The following R3HCC1L variants were observed in gnomAD, a reference collection of about 807,000 sequenced individuals.
The protein encoded by R3HCC1L is coiled-coil domain-containing protein R3HCC1L.
R3HCC1L carries 51 observed loss-of-function variants against 59.9 expected under a neutral mutation model. The ratio of observed to expected loss-of-function variants is 0.85; its 90% confidence interval spans 0.68 to 1.07. R3HCC1L has a LOEUF of 1.07. Ranked by LOEUF, R3HCC1L falls within the 50% of genes least tolerant of loss-of-function variation. R3HCC1L has a pLI of 0.00. For missense variants in R3HCC1L, 965 were observed against 933.0 expected (o/e 1.03, Z -0.45); for synonymous variants, 322 against 315.2 (o/e 1.02, Z -0.23).
intron 9 of R3HCC1L, among the ~76,000 whole-genome samples, chr10:98,237,293 A>G (rs7090201): frequency 0.19 from 28,447 of 152,202 alleles, 2,790 homozygotes; most frequent in Middle Eastern, 0.21. Context: ...GAACTAGATT[A>G]AAGATGAATG....
chr10:98,198,824 T>G (rs541195388), intron 4 of R3HCC1L, among the ~76,000 whole-genome samples: 43 of 152,268 alleles, frequency 2.8e-4, no homozygotes, highest in African/African-American at 8.7e-4. Context: ...ATTTGTCCTG[T>G]GGCATTAGGG....
At chr10:98,181,424 G>A (rs1453628943) in intron 4 of R3HCC1L, among the ~76,000 whole-genome samples, 1 of 152,136 alleles carries the variant, frequency 6.6e-6, no homozygotes. Flanking sequence ...TGGGTAATCC[G>A]ACCTTTCTCT....
intron 5 of R3HCC1L, among the ~76,000 whole-genome samples, 178 bp from the exon 6 acceptor site, chr10:98,231,333 TG>T (rs987692543): frequency 1.3e-5 from 2 of 152,326 alleles, no homozygotes; most frequent in Non-Finnish European, 2.9e-5. Flanking sequence ...TAGTATAAAC[TG>T]GGCGATAAGC....
intron 1 of R3HCC1L, among the ~76,000 whole-genome samples, chr10:98,152,322 G>A (rs1352523968): frequency 6.6e-6 from 1 of 151,950 alleles, no homozygotes; most frequent in Non-Finnish European, 1.5e-5. Context: ...CCTCCCAGCC[G>A]CCTGCCTTGG....
At chr10:98,174,699 C>T (rs1848828760) in intron 4 of R3HCC1L, 1 of 984,100 alleles carries the variant, frequency 1.0e-6, no homozygotes, top group Non-Finnish European at 1.2e-6. Context: ...GACTTTGTGT[C>T]TGAGAATGAT....
chr10:98,138,306 C>T (rs1366603024), intron 1 of R3HCC1L, among the ~76,000 whole-genome samples: 1 of 152,124 alleles, frequency 6.6e-6, no homozygotes, highest in African/African-American at 2.4e-5. Flanking sequence ...TCACACCAGA[C>T]TTGTATACAA....
intron 4 of R3HCC1L, among the ~76,000 whole-genome samples, chr10:98,169,903 TGGAG>T (rs1564641451): frequency 1.4e-5 from 2 of 145,520 alleles, no homozygotes; most frequent in African/African-American, 2.5e-5. Flanking sequence ...TTTTTTTTTT[TGGAG>T]TGAGTGCTTT....
At chr10:98,237,652 A>G (rs1857102935) in intron 9 of R3HCC1L, among the ~76,000 whole-genome samples, 1 of 152,284 alleles carries the variant, frequency 6.6e-6, no homozygotes, top group African/African-American at 2.4e-5. Context: ...TTATTTGTGA[A>G]TAGAGACCCA....
At position 98,181,060 on chromosome 10, in the gene R3HCC1L, A is replaced by G. The variant is rs1564656270; in HGVS notation, c.-15+17663A>G. 3.9e-5 allele frequency among the ~76,000 whole-genome samples: 6 copies of G among 152,076 alleles called. No homozygotes were observed. In the South Asian group the frequency reaches 1.2e-3, roughly 32 times the overall value. The stretch of plus-strand genomic sequence containing the variant: ...TTTAGCCCATTTACATTTAAGGTTA[A>G]TATTGTTATGTGTGAATTTGATCCT... On this transcript the variant is annotated intron_variant, in intron 4 of 9. Coordinates refer to ENST00000298999, the MANE Select transcript of R3HCC1L (RefSeq NM_001351015.2).
rs188892716 is a variant in R3HCC1L, at chr10:98,206,014, T to A, written c.-14-2087T>A. On this transcript the variant is annotated intron_variant, in intron 4 of 9. Transcript: ENST00000298999. Reference sequence around the variant, plus strand: ...TATTTCTAACAATTGGTTCTGGTACTGACTTCTGGAGAAACATAGAAACAT... The same window carrying A: ...TATTTCTAACAATTGGTTCTGGTACAGACTTCTGGAGAAACATAGAAACAT... Among the ~76,000 whole-genome samples the A allele has an allele frequency of 1.1e-3, 169 of 152,320 alleles. 1 individual carries two copies. The highest frequency in any genetic ancestry group is 4.0e-3 in the African/African-American group (166 of 41,592).
intron 4 of R3HCC1L, 136 bp from the exon 5 acceptor site, chr10:98,207,965 C>T (rs1852902525): frequency 1.3e-6 from 1 of 793,018 alleles, no homozygotes; most frequent in Non-Finnish European, 1.9e-6. Flanking sequence ...GCAGAGGTTA[C>T]AGTGAGCTGA....
chr10:98,209,804 A>T lies in R3HCC1L; in HGVS notation c.1690A>T (p.Thr564Ser). ...ATCCATCGAACCAAAAGCAACTGAA[A>T]CTTCTCACACAGAGGGAATTACTGC... ...ETSIEPKATE[T>S]SHTEGITAIE... The change falls in exon 5 of 10, where the codon ACT (threonine) becomes TCT (serine). Residue 564 changes from threonine to serine, a missense_variant. Physicochemically the swap from Thr to Ser is moderately conservative, Grantham distance 58. Transcript: ENST00000298999. The T allele has an allele frequency of 6.2e-7, 1 of 1,613,874 alleles. No individual in the cohort carries two copies. The highest frequency in any genetic ancestry group is 8.5e-7 in the Non-Finnish European group (1 of 1,179,858).
chr10:98,229,267 G>A (rs529991884), intron 5 of R3HCC1L, among the ~76,000 whole-genome samples: 2 of 152,172 alleles, frequency 1.3e-5, no homozygotes, highest in African/African-American at 2.4e-5. Flanking sequence ...TCATCAAGCA[G>A]TGGTTTGTAG....
Position 98,209,544 on chromosome 10 carries a change from A to G in R3HCC1L, c.1430A>G (p.Lys477Arg), listed in dbSNP as rs147690385. ...TGTGCTTCCTCCTTACCTATAAAAA[A>G]GATTGCTGGTAGTAATTATAACACT... The part of the protein sequence containing the change: ...SDCASSLPIK[K>R]IAGSNYNTFL... Residue 477 changes from lysine to arginine, a missense_variant, in exon 5 of 10, where the codon AAG becomes AGG. Physicochemically the swap from Lys to Arg is conservative, Grantham distance 26. Transcript: ENST00000298999. The G allele has an allele frequency of 1.0e-4, 166 of 1,613,862 alleles. No individual in the cohort carries two copies. The highest frequency in any genetic ancestry group is 1.3e-4 in the Non-Finnish European group (157 of 1,179,976).
At chr10:98,181,744 T>C (rs778597181) in intron 4 of R3HCC1L, among the ~76,000 whole-genome samples, 1 of 152,018 alleles carries the variant, frequency 6.6e-6, no homozygotes, top group Non-Finnish European at 1.5e-5. Context: ...TAAACTTCTC[T>C]CTTCATTTCA....
intron 4 of R3HCC1L, among the ~76,000 whole-genome samples, chr10:98,202,374 A>C (rs1019243403): frequency 6.6e-6 from 1 of 152,162 alleles, no homozygotes; most frequent in Admixed American, 6.5e-5. Context: ...GAAAAATTGG[A>C]CAATACTGGG....
In R3HCC1L at chr10:98,231,527, A is replaced by T; in HGVS notation, c.1801A>T (p.Lys601Ter). The change falls in exon 6 of 10, where the codon AAG (lysine) becomes TAG (stop). Residue 601 changes from lysine to a stop codon, truncating the protein, a stop_gained. Coordinates refer to ENST00000298999, the MANE Select transcript of R3HCC1L (RefSeq NM_001351015.2). LOFTEE classifies it high-confidence loss of function. The stretch of plus-strand genomic sequence containing the variant: ...TCCTTTCTAGTTATCAGGGAATACC[A>T]AGAGCAGAGAGAGCATCCAGGAACC... ...RLLQELSGNT[K>*]SRESIQEPRS... 5 of 1,612,406 alleles carry T rather than the reference A, an allele frequency of 3.1e-6. No homozygotes were observed. The highest frequency in any genetic ancestry group is 4.2e-6 in the Non-Finnish European group (5 of 1,179,546).
intron 7 of R3HCC1L, among the ~76,000 whole-genome samples, chr10:98,235,120 G>A (rs1434670079): frequency 6.6e-6 from 1 of 152,160 alleles, no homozygotes; most frequent in Non-Finnish European, 1.5e-5. Context: ...TAACTCTGCT[G>A]TTGGAGCAAG....
Position 98,234,298 on chromosome 10 carries a change from A to G in R3HCC1L, c.1962-148A>G, listed in dbSNP as rs1050478511. 2.2e-5 allele frequency: 15 copies of G among 693,960 alleles called. No homozygotes were observed. The East Asian group carries it at 3.8e-4, about 18-fold the overall frequency. 43.0% of individuals were successfully genotyped at this position (693,960 alleles called of 1,614,324 possible). ...ATTCAATGGCTTCTTCTGTCCTCCAAACTGTTTTCTGTGTCATTATCCCCA... is the reference window on the plus strand; with the variant it reads ...ATTCAATGGCTTCTTCTGTCCTCCAGACTGTTTTCTGTGTCATTATCCCCA... On this transcript the variant is annotated intron_variant, in intron 6 of 9. Transcript: ENST00000298999.
Sources: allele counts gnomAD v4.1 joint callset (sites outside exome capture counted in the v4.1 genomes callset), GRCh38; gene constraint gnomAD v4.1.1; transcripts MANE v1.5; gene names NCBI Gene and HGNC (gene_info 2026-07-23, HGNC 2026-07-21).